Variants in TMCO5A observed in about 807,000 individuals in gnomAD.
TMCO5A encodes transmembrane and coiled-coil domain-containing protein 5A.
Under a neutral mutation model 42.3 loss-of-function variants are expected in TMCO5A, and 34 were observed. The ratio of observed to expected loss-of-function variants is 0.80; its 90% CI spans 0.61 to 1.07. TMCO5A has a LOEUF of 1.07. Ranked by LOEUF, TMCO5A falls within the 50% of genes least tolerant of loss-of-function variation. TMCO5A has a pLI of 0.00. For missense variants in TMCO5A, 357 were observed against 327.9 expected (o/e 1.09, Z -0.69); for synonymous variants, 131 against 115.6 (o/e 1.13, Z -0.86).
chr15:38,021,220 T>C, the TMCO5A span, among the ~76,000 whole-genome samples: 2 of 152,210 alleles, frequency 1.3e-5, no homozygotes, highest in East Asian at 3.8e-4. Flanking sequence ...AAAATATGTC[T>C]GTTTGCAGAT....
the TMCO5A span, among the ~76,000 whole-genome samples, chr15:37,973,561 T>C: frequency 6.6e-6 from 1 of 152,186 alleles, no homozygotes. Context: ...TCATTCCTGA[T>C]TTGGCTCTCG....
chr15:38,026,763 T>C, the TMCO5A span, among the ~76,000 whole-genome samples: 3 of 152,188 alleles, frequency 2.0e-5, no homozygotes, highest in African/African-American at 7.2e-5. Context: ...CTCCATGCTG[T>C]GTGCAGCCTA....
chr15:38,036,321 T>C, the TMCO5A span, among the ~76,000 whole-genome samples: 1 of 152,144 alleles, frequency 6.6e-6, no homozygotes, highest in African/African-American at 2.4e-5. Context: ...CTGCTACATG[T>C]ACTATCTCTT....
At chr15:38,029,036 T>C in the TMCO5A span, among the ~76,000 whole-genome samples, 1 of 152,172 alleles carries the variant, frequency 6.6e-6, no homozygotes, top group Non-Finnish European at 1.5e-5. Flanking sequence ...AATGCTGTTA[T>C]AACTCAATAG....
At chr15:37,998,484 C>A in the TMCO5A span, among the ~76,000 whole-genome samples, 1 of 152,028 alleles carries the variant, frequency 6.6e-6, no homozygotes, top group Non-Finnish European at 1.5e-5. Context: ...GTTCTTGGCA[C>A]CTTTGTCAAA....
the TMCO5A span, among the ~76,000 whole-genome samples, chr15:37,979,276 C>G: frequency 6.6e-6 from 1 of 151,898 alleles, no homozygotes; most frequent in Non-Finnish European, 1.5e-5. Flanking sequence ...TCTTTTTGCT[C>G]CCTCCCAAGC....
At chr15:37,953,562 C>G (rs1890211994), downstream of TMCO5A, among the ~76,000 whole-genome samples, 1 of 152,022 alleles carries the variant, frequency 6.6e-6, no homozygotes, top group South Asian at 2.1e-4. Context: ...CATCAAAGTC[C>G]TTTTGAATAT....
chr15:38,038,291 C>A, the TMCO5A span, among the ~76,000 whole-genome samples: 1 of 152,012 alleles, frequency 6.6e-6, no homozygotes, highest in Admixed American at 6.6e-5. Context: ...TATGATGGGA[C>A]GATGGCACTG....
chr15:38,036,490 T>TC, the TMCO5A span, among the ~76,000 whole-genome samples: 1 of 84,334 alleles, frequency 1.2e-5, no homozygotes, highest in African/African-American at 6.5e-5. Context: ...TTTGTCTCTC[T>TC]CTCTCTCACA....
At chr15:37,996,698 C>T in the TMCO5A span, among the ~76,000 whole-genome samples, 30 of 152,140 alleles carry the variant, frequency 2.0e-4, no homozygotes, top group African/African-American at 7.0e-4. Flanking sequence ...CCAACTGAAG[C>T]TCTTTAATGG....
chr15:38,032,447 G>T, the TMCO5A span, among the ~76,000 whole-genome samples: 1 of 152,142 alleles, frequency 6.6e-6, no homozygotes, highest in Non-Finnish European at 1.5e-5. Flanking sequence ...GCTATGCTAC[G>T]TAAAGGGGCA....
the TMCO5A span, among the ~76,000 whole-genome samples, chr15:38,014,252 T>C: frequency 2.2e-4 from 34 of 152,302 alleles, no homozygotes; most frequent in African/African-American, 7.5e-4. Context: ...TACTCCTTCC[T>C]AAAATTAAAG....
At chr15:37,964,878 C>T (rs1890518921) in intron 11 of TMCO5A, among the ~76,000 whole-genome samples, 1 of 152,004 alleles carries the variant, frequency 6.6e-6, no homozygotes, top group African/African-American at 2.4e-5. Context: ...TATCAAAATA[C>T]CAACGACATT....
At chr15:37,939,459 G>T (rs1481612392) in intron 6 of TMCO5A, among the ~76,000 whole-genome samples, 2 of 152,088 alleles carry the variant, frequency 1.3e-5, no homozygotes, top group Non-Finnish European at 2.9e-5. Context: ...TCTGATTGCA[G>T]TGGTCAGGAC....
At chr15:37,944,248 C>G (rs1293648205) in intron 10 of TMCO5A, 7 of 152,014 alleles carry the variant, frequency 4.6e-5, no homozygotes, top group Non-Finnish European at 1.0e-4. Context: ...TCATTCTGGC[C>G]CCGAAGCTTG....
chr15:37,956,753 A>C (rs1401081069), intron 11 of TMCO5A: 1 of 152,350 alleles, frequency 6.6e-6, no homozygotes, highest in Non-Finnish European at 1.5e-5. Context: ...AGCCAGCATT[A>C]TCCTGATACC....
chr15:37,974,682 C>G, the TMCO5A span, among the ~76,000 whole-genome samples: 1 of 151,626 alleles, frequency 6.6e-6, no homozygotes, highest in Non-Finnish European at 1.5e-5. Flanking sequence ...TAATCTTATT[C>G]TTTCAAAAAA....
the TMCO5A span, among the ~76,000 whole-genome samples, chr15:38,000,007 T>A: frequency 6.6e-6 from 1 of 152,276 alleles, no homozygotes; most frequent in East Asian, 1.9e-4. Flanking sequence ...TGTCTTTGAT[T>A]TTGGTATCAG....
At chr15:37,936,741 A>T in intron 3 of TMCO5A, 106 bp from the exon 4 acceptor site, 1 of 1,463,880 alleles carries the variant, frequency 6.8e-7, no homozygotes, top group Non-Finnish European at 9.2e-7. Context: ...TCAGCTTGAG[A>T]TTCATGTACA....
Sources: allele counts gnomAD v4.1 joint callset (sites outside exome capture counted in the v4.1 genomes callset), GRCh38; gene constraint gnomAD v4.1.1; transcripts MANE v1.5; gene names NCBI Gene and HGNC (gene_info 2026-07-23, HGNC 2026-07-21).